The following HFM1 variants were observed in gnomAD, a reference collection of about 807,000 sequenced individuals.
The protein encoded by HFM1 is probable ATP-dependent DNA helicase HFM1.
HFM1 carries 169 observed loss-of-function variants against 192.1 expected under a neutral mutation model. The observed-to-expected ratio is 0.88, with a 90% CI of 0.78 to 1.00. HFM1 has a LOEUF of 1.00. Ranked by LOEUF, HFM1 falls within the 50% of genes least tolerant of loss-of-function variation. The pLI is 0.00. For synonymous variants in HFM1, 525 were observed against 537.8 expected, an observed-to-expected ratio of 0.98 and a Z score of 0.33; for missense variants, 1,661 against 1,668.0, an observed-to-expected ratio of 1.00 and a Z score of 0.07.
intron 20 of HFM1, among the ~76,000 whole-genome samples, chr1:91,334,074 C>T (rs954521423): frequency 4.6e-5 from 7 of 152,058 alleles, no homozygotes; most frequent in African/African-American, 9.7e-5. Context: ...GCCATTATGA[C>T]GTTGGGGAAA....
chr1:91,298,445 A>G (rs931978467), intron 30 of HFM1, among the ~76,000 whole-genome samples: 3 of 152,278 alleles, frequency 2.0e-5, no homozygotes, highest in African/African-American at 7.2e-5. Context: ...AATGCCACAA[A>G]GATACTCCTC....
chr1:91,376,962 G>A (rs1371392594), intron 11 of HFM1, among the ~76,000 whole-genome samples: 1 of 151,566 alleles, frequency 6.6e-6, no homozygotes, highest in East Asian at 1.9e-4. Flanking sequence ...TAATTTCACT[G>A]TTTACAATAG....
At chr1:91,388,005 C>T (rs1662464530) in intron 4 of HFM1, among the ~76,000 whole-genome samples, 2 of 142,530 alleles carry the variant, frequency 1.4e-5, no homozygotes, top group South Asian at 2.3e-4. Flanking sequence ...AATGCCTAAA[C>T]AACAGGGTTC....
chr1:91,345,219 A>C (rs1655972209), intron 19 of HFM1, among the ~76,000 whole-genome samples: 1 of 152,216 alleles, frequency 6.6e-6, no homozygotes, highest in African/African-American at 2.4e-5. Flanking sequence ...TCTAAAAGTT[A>C]ATATTTGAAC....
In HFM1 at chr1:91,319,226, C is replaced by T. The variant is rs1188190819; in HGVS notation, c.2681-17G>A. 1 of 1,603,560 alleles carries T rather than the reference C, an allele frequency of 6.2e-7. No homozygotes were observed. The highest frequency in any genetic ancestry group is 8.5e-7 in the Non-Finnish European group (1 of 1,176,224). Reference sequence around the variant, plus strand: ...CTGACAACCCTAAAAAAAAAGTTTCCAGTATTAAATCTAATATACCAGTTT... The same window carrying T: ...CTGACAACCCTAAAAAAAAAGTTTCTAGTATTAAATCTAATATACCAGTTT... On this transcript the variant is annotated splice_polypyrimidine_tract_variant and intron_variant, in intron 24 of 38. Coordinates refer to ENST00000370425, the MANE Select transcript of HFM1 (RefSeq NM_001017975.6).
At position 91,352,599 on chromosome 1, in the gene HFM1, A is replaced by C; in HGVS notation, c.1884T>G (p.Val628=). 1 of 1,609,406 alleles carries C rather than the reference A, an allele frequency of 6.2e-7. No individual in the cohort carries two copies. Among genetic ancestry groups the C allele is most frequent in the Non-Finnish European group, 8.5e-7 (1 of 1,176,956 alleles). ...MGVNLPAHLV[V]IKSTMHYAGG... ...CAGCATAATGCATTGTAGATTTTATAACTACTAGGTGAGCAGGCAAATTTA... is the reference window on the plus strand; with the variant it reads ...CAGCATAATGCATTGTAGATTTTATCACTACTAGGTGAGCAGGCAAATTTA... The change falls in exon 16 of 39, where the codon GTT becomes GTG. Residue 628 remains valine (V), a synonymous_variant. Coordinates refer to ENST00000370425, the MANE Select transcript of HFM1 (RefSeq NM_001017975.6).
At chr1:91,277,727 CTAATATATATAATATATAT>C (rs1667017796) in intron 30 of HFM1, among the ~76,000 whole-genome samples, 2 of 116,294 alleles carry the variant, frequency 1.7e-5, no homozygotes, top group African/African-American at 3.5e-5. Flanking sequence ...ATAATATATA[CTAATATATATAATATATAT>C]ACTTTATATA....
chr1:91,261,438 C>T, intron 38 of HFM1, 79 bp from the exon 39 acceptor site: 1 of 578,436 alleles, frequency 1.7e-6, no homozygotes, highest in Non-Finnish European at 2.7e-6. Context: ...TAATGTAATA[C>T]TAAACACAAT....
chr1:91,358,990 G>A (rs1467333457), intron 13 of HFM1, among the ~76,000 whole-genome samples: 1 of 152,154 alleles, frequency 6.6e-6, no homozygotes, highest in Admixed American at 6.5e-5. Context: ...CTAGGGTTTG[G>A]AGCAGATCCC....
chr1:91,345,052 T>C (rs1038405756), intron 19 of HFM1, among the ~76,000 whole-genome samples: 1 of 152,192 alleles, frequency 6.6e-6, no homozygotes, highest in African/African-American at 2.4e-5. Context: ...CCAACCTATA[T>C]GTATTTCTCA....
At chr1:91,371,349 A>G (rs1231781728) in intron 13 of HFM1, among the ~76,000 whole-genome samples, 1 of 131,296 alleles carries the variant, frequency 7.6e-6, no homozygotes, top group Non-Finnish European at 1.6e-5. Context: ...CTATACTACA[A>G]GGCTACAGTA....
intron 13 of HFM1, among the ~76,000 whole-genome samples, chr1:91,353,923 G>GAA (rs35628470): frequency 8.8e-6 from 1 of 113,628 alleles, no homozygotes; most frequent in East Asian, 3.8e-4. Context: ...CAGGAAACAT[G>GAA]AAAAAAAAAA....
chr1:91,364,190 AG>A (rs1658916553), intron 13 of HFM1, among the ~76,000 whole-genome samples: 1 of 152,056 alleles, frequency 6.6e-6, no homozygotes, highest in Non-Finnish European at 1.5e-5. Context: ...TAAAAGTGGA[AG>A]GAAAAAAAAA....
intron 13 of HFM1, among the ~76,000 whole-genome samples, chr1:91,356,045 C>T (rs1436888934): frequency 6.6e-6 from 1 of 151,796 alleles, no homozygotes; most frequent in Non-Finnish European, 1.5e-5. Context: ...TTTCTGACCA[C>T]AACAATATGA....
intron 17 of HFM1, 41 bp from the exon 18 acceptor site, chr1:91,350,912 T>C: frequency 2.0e-6 from 3 of 1,501,446 alleles, no homozygotes; most frequent in Non-Finnish European, 2.7e-6. Context: ...TGCAGTTCAA[T>C]GCCATAACTC....
In HFM1 at chr1:91,319,375, T is replaced by C. The variant is rs933902858; in HGVS notation, c.2598A>G (p.Gln866=). ...EMKVNCLIQA[Q]LGCIPIQDFA... is the part of the protein sequence containing the mutation. The stretch of plus-strand genomic sequence containing the variant: ...AATCTTGTATGGGAATGCATCCTAG[T>C]TGAGCCTGAATAAGACTGGGGGAAA... Residue 866 remains glutamine, a synonymous_variant, in exon 24 of 39, where the codon CAA becomes CAG. Coordinates refer to ENST00000370425, the MANE Select transcript of HFM1 (RefSeq NM_001017975.6). The C allele has an allele frequency of 1.2e-5, 19 of 1,611,404 alleles. No homozygotes were observed. The highest frequency in any genetic ancestry group is 1.6e-5 in the Non-Finnish European group (19 of 1,177,576).
At position 91,379,063 on chromosome 1, in the gene HFM1, TGGA is replaced by T; in HGVS notation, c.1155_1157del (p.Pro386del). On this transcript the variant is annotated inframe_deletion and splice_region_variant, in exon 9 of 39. Transcript: ENST00000370425. Reference sequence around the variant, plus strand: ...ATCATAAAGTATAAATAATACCTACTGGAGTTGTCATAATAATATGGGCATGCT... The same window carrying T: ...ATCATAAAGTATAAATAATACCTACTGTTGTCATAATAATATGGGCATGCT... The T allele has an allele frequency of 6.5e-7, 1 of 1,540,458 alleles. No individual in the cohort carries two copies. The highest frequency in any genetic ancestry group is 8.8e-7 in the Non-Finnish European group (1 of 1,139,758).
At chr1:91,264,396 G>A (rs1414420507) in intron 36 of HFM1, among the ~76,000 whole-genome samples, 18 of 38,988 alleles carry the variant, frequency 4.6e-4, no homozygotes, top group Admixed American at 1.8e-3. Flanking sequence ...TTTTTGAGAC[G>A]GAGTCTCGCT....
intron 20 of HFM1, among the ~76,000 whole-genome samples, chr1:91,338,286 C>T (rs1654861126): frequency 1.3e-5 from 2 of 152,188 alleles, no homozygotes; most frequent in Non-Finnish European, 2.9e-5. Flanking sequence ...GTCAGGAATG[C>T]CAATCCCCCA....
Sources: allele counts gnomAD v4.1 joint callset (sites outside exome capture counted in the v4.1 genomes callset), GRCh38; gene constraint gnomAD v4.1.1; transcripts MANE v1.5; gene names NCBI Gene and HGNC (gene_info 2026-07-23, HGNC 2026-07-21).